Variants in ATPAF2 observed in about 807,000 individuals in gnomAD.
ATPAF2 encodes the protein ATP12 homolog.
ATPAF2 carries 30 observed loss-of-function variants against 36.6 expected under a neutral mutation model. The ratio of observed to expected loss-of-function variants is 0.82; its 90% CI spans 0.61 to 1.11. The LOEUF is 1.11. Among genes scored for constraint, ATPAF2 ranks in the 50% most tolerant of loss-of-function variants. ATPAF2 has a pLI of 0.00. For synonymous variants in ATPAF2, 140 were observed against 152.6 expected, an observed-to-expected ratio of 0.92 and a Z score of 0.61; for missense variants, 321 against 372.3, an observed-to-expected ratio of 0.86 and a Z score of 1.13.
intron 3 of ATPAF2, 48 bp from the exon 4 acceptor site, chr17:18,026,464 C>A (rs1312703891): frequency 6.8e-7 from 1 of 1,471,146 alleles, no homozygotes; most frequent in African/African-American, 1.4e-5. Flanking sequence ...GGGGCTCAGG[C>A]AAAAGCCCTG....
At position 18,039,045 on chromosome 17, in the gene ATPAF2, C is replaced by A. The variant is rs1254584629; in HGVS notation, c.-32G>T. On this transcript the variant is annotated 5_prime_UTR_variant, in exon 1 of 8. Transcript: ENST00000474627. This position sits in a 1 kb window ranked among gnomAD's most constrained non-coding sequence, Gnocchi z 5.3. Reference sequence around the variant, plus strand: ...CGAGGGTCTGGGAAGATGCGAGACGCGAAACCTGGAGCAGGAAACACAGAG... The same window carrying A: ...CGAGGGTCTGGGAAGATGCGAGACGAGAAACCTGGAGCAGGAAACACAGAG... 7 of 1,569,356 alleles carry A rather than the reference C, an allele frequency of 4.5e-6. No homozygotes were observed. Among genetic ancestry groups the A allele is most frequent in the Non-Finnish European group, 5.2e-6 (6 of 1,157,082 alleles).
intron 1 of ATPAF2, among the ~76,000 whole-genome samples, chr17:18,035,960 TGAATAGA>T (rs904701873): frequency 6.6e-6 from 1 of 152,228 alleles, no homozygotes; most frequent in Non-Finnish European, 1.5e-5. Context: ...CCAGATACGC[TGAATAGA>T]TAGGTTTCTC....
chr17:18,039,071 C>A lies in ATPAF2; in HGVS notation c.-58G>T, dbSNP rs942964115. The A allele has an allele frequency of 1.9e-6, 3 of 1,551,390 alleles. No individual in the cohort carries two copies. The highest frequency in any genetic ancestry group is 2.6e-6 in the Non-Finnish European group (3 of 1,148,214). The stretch of plus-strand genomic sequence containing the variant: ...GAAACCTGGAGCAGGAAACACAGAG[C>A]GATGGGATCCCCAAAGCCGCACGGT... On this transcript the variant is annotated 5_prime_UTR_variant, in exon 1 of 8. Transcript: ENST00000474627. This position sits in a 1 kb window ranked among gnomAD's most constrained non-coding sequence, Gnocchi z 5.3.
Position 18,024,658 on chromosome 17 carries a change from C to T in ATPAF2, c.469G>A (p.Glu157Lys). 1 of 1,614,158 alleles carries T rather than the reference C, an allele frequency of 6.2e-7. No homozygotes were observed. Among genetic ancestry groups the T allele is most frequent in the Non-Finnish European group, 8.5e-7 (1 of 1,180,008 alleles). The change falls in exon 5 of 8, where the codon GAG becomes AAG. Residue 157 changes from glutamate to lysine, a missense_variant. Glu to Lys is a moderately conservative substitution (Grantham distance 56). Coordinates refer to ENST00000474627, the MANE Select transcript of ATPAF2 (RefSeq NM_145691.4). Reference sequence around the variant, plus strand: ...GCCCATTCGATGATTGGATCCCACTCATTCCTTTGAAGTTCCACTAATGTC... The same window carrying T: ...GCCCATTCGATGATTGGATCCCACTTATTCCTTTGAAGTTCCACTAATGTC... ...PETLVELQRN[E>K]WDPIIEWAEK...
chr17:18,035,489 T>TAAAAA (rs1254372841), intron 1 of ATPAF2, among the ~76,000 whole-genome samples: 2 of 152,316 alleles, frequency 1.3e-5, no homozygotes, highest in South Asian at 4.1e-4. Flanking sequence ...GTAAATATAC[T>TAAAAA]AAAAACTATT....
At chr17:18,027,336 G>A (rs1189992469) in intron 3 of ATPAF2, among the ~76,000 whole-genome samples, 1 of 151,638 alleles carries the variant, frequency 6.6e-6, no homozygotes, top group Non-Finnish European at 1.5e-5. Flanking sequence ...TCAAGGACCA[G>A]GCCAACCACC....
chr17:18,032,717 C>G (rs2044653635), intron 1 of ATPAF2, among the ~76,000 whole-genome samples: 1 of 152,156 alleles, frequency 6.6e-6, no homozygotes, highest in African/African-American at 2.4e-5. Flanking sequence ...AATACAGACA[C>G]TAAACCAGGC....
At chr17:18,028,024 C>T (rs2044572766) in intron 3 of ATPAF2, 1 of 638,866 alleles carries the variant, frequency 1.6e-6, no homozygotes, top group East Asian at 2.8e-5. Context: ...AGCCATCCAG[C>T]ACAGTGTTCC....
At chr17:18,017,610 T>C (rs2044403657), downstream of ATPAF2, among the ~76,000 whole-genome samples, 3 of 152,324 alleles carry the variant, frequency 2.0e-5, no homozygotes, top group South Asian at 6.2e-4. Flanking sequence ...TGACAGTACC[T>C]CACAGTGCCT....
chr17:18,030,972 CT>C (rs1316913316), intron 1 of ATPAF2, among the ~76,000 whole-genome samples: 1,737 of 88,392 alleles, frequency 0.02, 28 homozygotes, highest in African/African-American at 0.077. Flanking sequence ...CGCGCCTGGC[CT>C]TTTTTTTTTT....
chr17:18,019,010 G>A (rs566246018), intron 7 of ATPAF2, among the ~76,000 whole-genome samples: 1 of 152,206 alleles, frequency 6.6e-6, no homozygotes, highest in Non-Finnish European at 1.5e-5. Context: ...TGGTGGGGGT[G>A]CACCTGTAGT....
Position 18,028,664 on chromosome 17 carries a change from A to T in ATPAF2, c.134-5T>A. The T allele has an allele frequency of 6.2e-7, 1 of 1,613,284 alleles. No homozygotes were observed. The highest frequency in any genetic ancestry group is 1.1e-5 in the South Asian group (1 of 91,064). On this transcript the variant is annotated splice_polypyrimidine_tract_variant and splice_region_variant and intron_variant, in intron 1 of 7. Transcript: ENST00000474627. ...TCTGATAAAACCTCTTCCTTTCTGT[A>T]AGAAAGATTTTTCAAAGAGGCAGTT...
At chr17:18,024,527 G>C (rs1312313246) in intron 5 of ATPAF2, 97 bp downstream of exon 5, 5 of 1,017,800 alleles carry the variant, frequency 4.9e-6, no homozygotes, top group Non-Finnish European at 7.6e-6. Flanking sequence ...AAGCTGACTA[G>C]CTAAGGGCAC....
At position 18,038,971 on chromosome 17, in the gene ATPAF2, G is replaced by C. The variant is rs1437980118; in HGVS notation, c.43C>G (p.Leu15Val). 1.9e-6 allele frequency: 3 copies of C among 1,613,050 alleles called. No individual in the cohort carries two copies. The highest frequency in any genetic ancestry group is 2.5e-6 in the Non-Finnish European group (3 of 1,179,594). The change falls in exon 1 of 8, where the codon CTC (leucine) becomes GTC (valine). Residue 15 changes from leucine (L) to valine (V), a missense_variant. Coordinates refer to ENST00000474627, the MANE Select transcript of ATPAF2 (RefSeq NM_145691.4). ...GGGCCACCCGCCGGCCGATTCAGGAGACGGCGTCCCCCGTCCCGCAGCCGG... is the reference window on the plus strand; with the variant it reads ...GGGCCACCCGCCGGCCGATTCAGGACACGGCGTCCCCCGTCCCGCAGCCGG... ...CLRLRDGGRR[L>V]LNRPAGGPSA...
At chr17:18,026,622 C>T (rs2044549532) in intron 3 of ATPAF2, 7 of 607,596 alleles carry the variant, frequency 1.2e-5, no homozygotes, top group Non-Finnish European at 2.1e-5. Flanking sequence ...TGTTGACGCT[C>T]ACAGGACTCG....
downstream of ATPAF2, chr17:18,016,821 A>C: frequency 3.9e-6 from 2 of 508,938 alleles, no homozygotes; most frequent in South Asian, 6.0e-5. Context: ...CCCCTGGAAA[A>C]ACTTCCAAAA....
At chr17:18,027,909 AT>A (rs2044571214) in intron 3 of ATPAF2, 1 of 389,884 alleles carries the variant, frequency 2.6e-6, no homozygotes, top group South Asian at 2.5e-5. Context: ...ACAATTATAA[AT>A]TGCCTAAGTG....
In ATPAF2 at chr17:18,021,076, G is replaced by T. The variant is rs377073577; in HGVS notation, c.732+47C>A. 3.2e-6 allele frequency: 5 copies of T among 1,583,158 alleles called. No individual in the cohort carries two copies. In the African/African-American group the frequency reaches 6.7e-5, roughly 21 times the overall value. ...TGGGTTAGCTGCTCCCCCAAAGTGAGTCTGAACTAGGAAGGGGGAGGCGGG... is the reference window on the plus strand; with the variant it reads ...TGGGTTAGCTGCTCCCCCAAAGTGATTCTGAACTAGGAAGGGGGAGGCGGG... On this transcript the variant is annotated intron_variant, in intron 7 of 7. Coordinates refer to ENST00000474627, the MANE Select transcript of ATPAF2 (RefSeq NM_145691.4).
intron 7 of ATPAF2, among the ~76,000 whole-genome samples, chr17:18,019,042 G>T (rs1303705936): frequency 6.6e-6 from 1 of 152,104 alleles, no homozygotes; most frequent in Non-Finnish European, 1.5e-5. Context: ...GAGAGACTGA[G>T]GTAGGAGGAC....
Sources: gnomAD v4.1 joint callset for allele counts (sites outside exome capture counted in the v4.1 genomes callset) on GRCh38, gnomAD v4.1.1 for gene constraint, Gnocchi (gnomAD v3.1) non-coding constraint, MANE v1.5 for transcripts, NCBI Gene and HGNC (gene_info 2026-07-23, HGNC 2026-07-21) for gene names.